The following LRRC37A2 variants were observed in gnomAD, a reference collection of about 807,000 sequenced individuals.
The protein encoded by LRRC37A2 is leucine-rich repeat-containing protein 37A2.
A neutral mutation model predicts 68.8 loss-of-function variants in LRRC37A2; 9 were observed. The observed-to-expected ratio is 0.13, with a 90% CI of 0.08 to 0.23. The LOEUF is 0.23. Among genes scored for constraint, LRRC37A2 ranks in the 10% least tolerant of loss-of-function variants. The probability of loss-of-function intolerance (pLI) is 1.00; values close to 1 mark genes in which losing one functional copy is unlikely to be tolerated. For missense variants in LRRC37A2, 168 were observed against 950.4 expected (o/e 0.18, Z 10.82); for synonymous variants, 63 against 367.6 (o/e 0.17, Z 9.48).
the LRRC37A2 span, among the ~76,000 whole-genome samples, chr17:46,740,164 G>A: frequency 1.3e-5 from 2 of 152,112 alleles, no homozygotes; most frequent in Non-Finnish European, 2.9e-5. Flanking sequence ...GTTCTTGGCT[G>A]TGCTCTGGAT....
the LRRC37A2 span, chr17:46,872,565 G>A: frequency 2.7e-4 from 435 of 1,591,810 alleles, no homozygotes; most frequent in African/African-American, 3.1e-3. Flanking sequence ...TGGGCACTGC[G>A]GCAGCCCCGG....
the LRRC37A2 span, chr17:46,978,818 C>A: frequency 2.5e-6 from 4 of 1,609,524 alleles, no homozygotes; most frequent in Non-Finnish European, 3.4e-6. Context: ...ACCCGCGACA[C>A]CCACAGGCTG....
the LRRC37A2 span, among the ~76,000 whole-genome samples, chr17:46,794,512 T>G: frequency 2.0e-5 from 3 of 152,156 alleles, no homozygotes; most frequent in Non-Finnish European, 4.4e-5. Context: ...AAGAACATAG[T>G]CAGCTCTGAG....
chr17:46,863,122 G>GT, the LRRC37A2 span, among the ~76,000 whole-genome samples: 3 of 106 alleles, frequency 0.028, no homozygotes, highest in African/African-American at 0.1. Context: ...GGGAGGGCGT[G>GT]GCACAGGCAG....
the LRRC37A2 span, among the ~76,000 whole-genome samples, chr17:46,893,714 A>T: frequency 1.3e-5 from 2 of 152,156 alleles, no homozygotes; most frequent in African/African-American, 4.8e-5. Flanking sequence ...CCTGAAAAAA[A>T]CAAACTGGAA....
At chr17:46,874,563 A>G in the LRRC37A2 span, among the ~76,000 whole-genome samples, 1 of 152,100 alleles carries the variant, frequency 6.6e-6, no homozygotes, top group African/African-American at 2.4e-5. Flanking sequence ...AATTCCATTT[A>G]TTTATTTATT....
At chr17:46,800,774 G>A in the LRRC37A2 span, among the ~76,000 whole-genome samples, 1 of 152,184 alleles carries the variant, frequency 6.6e-6, no homozygotes, top group Non-Finnish European at 1.5e-5. Flanking sequence ...ATGGAGAACT[G>A]GTCCTGCCCA....
At chr17:47,002,471 A>AAT in the LRRC37A2 span, among the ~76,000 whole-genome samples, 5 of 150,948 alleles carry the variant, frequency 3.3e-5, no homozygotes, top group African/African-American at 4.9e-5. Flanking sequence ...GCTCACTGCA[A>AAT]CCTCCGCCTC....
At chr17:46,934,648 G>A in the LRRC37A2 span, among the ~76,000 whole-genome samples, 2 of 152,242 alleles carry the variant, frequency 1.3e-5, no homozygotes, top group East Asian at 3.8e-4. Context: ...GCATTAAGGG[G>A]AAGCCATGGA....
the LRRC37A2 span, chr17:46,560,798 A>C: frequency 3.1e-4 from 1 of 3,222 alleles, no homozygotes; most frequent in African/African-American, 3.2e-3. Context: ...CTAATCTTGA[A>C]CTCCTGGACT....
At chr17:46,707,805 G>A in the LRRC37A2 span, among the ~76,000 whole-genome samples, 17 of 152,132 alleles carry the variant, frequency 1.1e-4, no homozygotes, top group Non-Finnish European at 1.9e-4. Flanking sequence ...ATTGAGGTGG[G>A]TGGGTCACCT....
chr17:47,020,623 CA>C, the LRRC37A2 span, among the ~76,000 whole-genome samples: 1 of 149,180 alleles, frequency 6.7e-6, no homozygotes, highest in Admixed American at 6.7e-5. Context: ...ACTAAAAATA[CA>C]GAAAAAAATT....
chr17:46,798,864 A>G, the LRRC37A2 span, among the ~76,000 whole-genome samples: 5 of 152,130 alleles, frequency 3.3e-5, no homozygotes, highest in Admixed American at 6.5e-5. Context: ...CCTGGCTAAC[A>G]TGGGGAAACC....
chr17:46,458,687 A>G, the LRRC37A2 span, among the ~76,000 whole-genome samples: 1 of 101,794 alleles, frequency 9.8e-6, no homozygotes, highest in Non-Finnish European at 2.2e-5. Flanking sequence ...GATTACAGGC[A>G]TGCACCACCA....
At chr17:46,981,598 GT>G in the LRRC37A2 span, among the ~76,000 whole-genome samples, 2 of 152,176 alleles carry the variant, frequency 1.3e-5, no homozygotes, top group Non-Finnish European at 2.9e-5. Flanking sequence ...CAAGCATCCT[GT>G]TATAGCAGCA....
chr17:46,887,665 G>A, the LRRC37A2 span, among the ~76,000 whole-genome samples: 1 of 152,152 alleles, frequency 6.6e-6, no homozygotes, highest in African/African-American at 2.4e-5. Flanking sequence ...TTGGGAGGCT[G>A]AGGCAGGAGA....
At chr17:46,812,346 C>G in the LRRC37A2 span, among the ~76,000 whole-genome samples, 1 of 152,152 alleles carries the variant, frequency 6.6e-6, no homozygotes, top group Admixed American at 6.5e-5. Context: ...ACCCCCGCCC[C>G]AAGAATGTAA....
At chr17:46,946,847 A>C in the LRRC37A2 span, among the ~76,000 whole-genome samples, 1 of 152,200 alleles carries the variant, frequency 6.6e-6, no homozygotes, top group Non-Finnish European at 1.5e-5. Context: ...TGGGTGACGA[A>C]ATGAGACTCT....
At chr17:47,018,240 C>G in the LRRC37A2 span, 1 of 1,611,776 alleles carries the variant, frequency 6.2e-7, no homozygotes, top group Non-Finnish European at 8.5e-7. Flanking sequence ...TCCAGTTCCT[C>G]CTATGGAGCA....
Sources: allele counts gnomAD v4.1 joint callset (sites outside exome capture counted in the v4.1 genomes callset), GRCh38; gene constraint gnomAD v4.1.1; transcripts MANE v1.5; gene names NCBI Gene and HGNC (gene_info 2026-07-23, HGNC 2026-07-21).